Variants in C12orf50 observed in about 807,000 individuals in gnomAD.
C12orf50 encodes uncharacterized protein C12orf50.
In C12orf50, 35 loss-of-function variants were observed where a neutral mutation model predicts 61.6. The observed-to-expected ratio is 0.57, with a 90% CI of 0.43 to 0.75. C12orf50 has a LOEUF of 0.75. Ranked by LOEUF, C12orf50 falls within the 30% of genes least tolerant of loss-of-function variation. The pLI, the probability that C12orf50 is intolerant of heterozygous loss-of-function variation, is 0.00. For synonymous variants in C12orf50, 178 were observed against 161.5 expected (o/e 1.10, Z -0.77); for missense variants, 475 against 488.5 (o/e 0.97, Z 0.26).
chr12:88,023,500 T>TAA lies in C12orf50; in HGVS notation c.133+2986_133+2987dup, dbSNP rs36117349. ...CAACATGGTGAAACTTCGTCTCTAC[T>TAA]AAAAAAAAAAAAAAAAATTTAGCCT... On this transcript the variant is annotated intron_variant, in intron 3 of 12. Coordinates refer to ENST00000298699, the MANE Select transcript of C12orf50 (RefSeq NM_152589.3). Among the ~76,000 whole-genome samples the TAA allele has an allele frequency of 5.6e-3, 754 of 133,912 alleles. 9 individuals carry two copies. The highest frequency in any genetic ancestry group is 0.019 in the African/African-American group (717 of 37,264). The allele number at this position is 133,912 out of a possible 152,430, so 87.9% of individuals were successfully genotyped here. A position where few individuals can be genotyped will look rare whatever the true frequency, so the allele number is the denominator to read the frequency against.
chr12:87,980,507 A>C (rs1428227231), intron 12 of C12orf50, 151 bp from the exon 13 acceptor site: 5 of 693,620 alleles, frequency 7.2e-6, no homozygotes, highest in Non-Finnish European at 1.2e-5. Context: ...AATGCCATTC[A>C]AATAGTCCAC....
At chr12:88,001,820 T>C (rs1312003172) in intron 3 of C12orf50, among the ~76,000 whole-genome samples, 2 of 151,624 alleles carry the variant, frequency 1.3e-5, no homozygotes, top group Non-Finnish European at 3.0e-5. Context: ...TTTATTTTCA[T>C]AATATTGGGA....
intron 3 of C12orf50, among the ~76,000 whole-genome samples, chr12:88,016,728 A>ATTG (rs541074614): frequency 2.0e-3 from 300 of 152,356 alleles, no homozygotes; most frequent in Admixed American, 3.2e-3. Flanking sequence ...GGTGCTTGAG[A>ATTG]TTCATCAGTG....
rs2032711420 is a variant in C12orf50, at chr12:88,026,472, C to A, written c.133+16G>T. ...TAGAATATGGTAAGTCTATGTTATT[C>A]AAAAAATGTACTCACTGCTACTTGG... On this transcript the variant is annotated intron_variant, in intron 3 of 12. Transcript: ENST00000298699. The A allele has an allele frequency of 6.2e-7, 1 of 1,611,858 alleles. No homozygotes were observed. The highest frequency in any genetic ancestry group is 8.5e-7 in the Non-Finnish European group (1 of 1,179,214).
intron 3 of C12orf50, among the ~76,000 whole-genome samples, chr12:88,006,110 GT>G (rs2031867599): frequency 6.6e-6 from 1 of 151,960 alleles, no homozygotes; most frequent in African/African-American, 2.4e-5. Flanking sequence ...TAGAGACAGG[GT>G]TTCACCGTGT....
At chr12:88,004,156 T>C (rs927195614) in intron 3 of C12orf50, among the ~76,000 whole-genome samples, 4 of 152,198 alleles carry the variant, frequency 2.6e-5, no homozygotes, top group African/African-American at 9.6e-5. Flanking sequence ...TGTTGAGATG[T>C]TGTCATAATA....
At chr12:88,022,543 T>C (rs115362308) in intron 3 of C12orf50, among the ~76,000 whole-genome samples, 13 of 152,188 alleles carry the variant, frequency 8.5e-5, no homozygotes, top group Non-Finnish European at 1.8e-4. Flanking sequence ...GACATCCAAA[T>C]AGGAATCAAG....
At chr12:88,012,815 A>G (rs192035222) in intron 3 of C12orf50, among the ~76,000 whole-genome samples, 6 of 152,302 alleles carry the variant, frequency 3.9e-5, no homozygotes, top group Admixed American at 3.9e-4. Flanking sequence ...CTGTAATCCT[A>G]GCACTTTGGG....
intron 11 of C12orf50, 195 bp from the exon 12 acceptor site, chr12:87,983,390 GT>G (rs145140053): frequency 3.4e-5 from 12 of 351,300 alleles, no homozygotes; most frequent in South Asian, 5.5e-5. Flanking sequence ...GTTTTTTTTT[GT>G]TTTTTTTATT....
At chr12:88,025,887 T>C (rs1192043076) in intron 3 of C12orf50, among the ~76,000 whole-genome samples, 1 of 152,254 alleles carries the variant, frequency 6.6e-6, no homozygotes, top group East Asian at 1.9e-4. Flanking sequence ...GTTTACACTG[T>C]GGTGTCTTCT....
rs1565738784 is a variant in C12orf50 at position 87,985,858 on chromosome 12, AGGTTG to A, written c.1113_1117del (p.Asn372GlnfsTer11). 1 of 1,612,606 alleles carries A rather than the reference AGGTTG, an allele frequency of 6.2e-7. No homozygotes were observed. Among genetic ancestry groups the A allele is most frequent in the Admixed American group, 1.7e-5 (1 of 59,950 alleles). On this transcript the variant is annotated frameshift_variant, in exon 11 of 13. Transcript: ENST00000298699. LOFTEE classifies it high-confidence loss of function. ...TCAACAAAGGACCTCACCTGGACTG[AGGTTG>A]GGTTTGGGTTCCCTGTTAGCATGGA...
At chr12:88,026,669 A>G (rs549007606) in intron 2 of C12orf50, 61 bp from the exon 3 acceptor site, 35 of 1,579,646 alleles carry the variant, frequency 2.2e-5, no homozygotes, top group Admixed American at 1.7e-5. Context: ...AACAAATACA[A>G]TGTGCTACAA....
intron 7 of C12orf50, among the ~76,000 whole-genome samples, chr12:87,990,754 A>G (rs556398271): frequency 2.0e-5 from 3 of 152,268 alleles, no homozygotes; most frequent in African/African-American, 7.2e-5. Context: ...AAGAGCCGAA[A>G]GTCTGGGACT....
At position 87,986,318 on chromosome 12, in the gene C12orf50, G is replaced by T; in HGVS notation, c.916C>A (p.Gln306Lys). 1 of 1,589,898 alleles carries T rather than the reference G, an allele frequency of 6.3e-7. No individual in the cohort carries two copies. Among genetic ancestry groups the T allele is most frequent in the Non-Finnish European group, 8.6e-7 (1 of 1,165,292 alleles). Residue 306 changes from glutamine to lysine, a missense_variant, in exon 10 of 13, where the codon CAG (glutamine) becomes AAG (lysine). Physicochemically the swap from Gln to Lys is moderately conservative, Grantham distance 53. Transcript: ENST00000298699. ...EPQNFPNSGM[Q>K]RAVQAPRPQN... ...AAATATATAGACACCTTACCTCTCTGCATTCCAGAGTTAGGAAAGTTCTGT... is the reference window on the plus strand; with the variant it reads ...AAATATATAGACACCTTACCTCTCTTCATTCCAGAGTTAGGAAAGTTCTGT...
In C12orf50 at chr12:87,994,737, C is replaced by A; in HGVS notation, c.488G>T (p.Ser163Ile). 1 of 1,603,450 alleles carries A rather than the reference C, an allele frequency of 6.2e-7. No individual in the cohort carries two copies. The highest frequency in any genetic ancestry group is 8.5e-7 in the Non-Finnish European group (1 of 1,171,892). ...GCTAAGTTTTGTCGGAACTGTAAGA[C>A]TATCTCCTAGAAATAAGAAGAAAAA... ...ENGSELQEGD[S>I]LTVPTKLSQY... is the part of the protein sequence containing the mutation. Residue 163 changes from serine to isoleucine, a missense_variant, in exon 7 of 13, where the codon AGT (serine) becomes ATT (isoleucine). By Grantham distance (142) the Ser-to-Ile change is moderately radical. Transcript: ENST00000298699.
chr12:87,987,055 A>G (rs1294529417), intron 9 of C12orf50, among the ~76,000 whole-genome samples: 4 of 152,162 alleles, frequency 2.6e-5, no homozygotes, highest in Non-Finnish European at 4.4e-5. Context: ...TAGAGGGGGC[A>G]TTCTGTTACT....
chr12:88,019,745 C>T (rs930688247), intron 3 of C12orf50, among the ~76,000 whole-genome samples: 2 of 151,888 alleles, frequency 1.3e-5, no homozygotes, highest in African/African-American at 4.8e-5. Flanking sequence ...AACAAAGAAA[C>T]CAAGTTTGAA....
intron 3 of C12orf50, among the ~76,000 whole-genome samples, chr12:88,004,045 C>T (rs1413977302): frequency 1.3e-5 from 2 of 151,778 alleles, no homozygotes; most frequent in African/African-American, 2.4e-5. Flanking sequence ...ACCCTTGATC[C>T]CTTATAGTAT....
chr12:87,991,842 G>T (rs1371411902), intron 7 of C12orf50, among the ~76,000 whole-genome samples: 1 of 152,166 alleles, frequency 6.6e-6, no homozygotes, highest in Admixed American at 6.6e-5. Flanking sequence ...GTCCCAAACT[G>T]GAAATATTGT....
Sources: allele counts gnomAD v4.1 joint callset (sites outside exome capture counted in the v4.1 genomes callset), GRCh38; gene constraint gnomAD v4.1.1; transcripts MANE v1.5; gene names NCBI Gene and HGNC (gene_info 2026-07-23, HGNC 2026-07-21).